Variants in CHST11 observed in about 807,000 individuals in gnomAD.
CHST11 encodes the protein C4S-1.
Under a neutral mutation model 30.4 loss-of-function variants are expected in CHST11, and 9 were observed. That is an observed-to-expected ratio of 0.30 (90% CI 0.18 to 0.52). The LOEUF (loss-of-function observed/expected upper bound fraction) is 0.52, where lower values mean the gene tolerates loss of function less well. CHST11 is among the 20% of genes least tolerant of loss of function. The pLI, the probability that CHST11 is intolerant of heterozygous loss-of-function variation, is 0.97. For missense variants in CHST11, 348 were observed against 460.6 expected, an observed-to-expected ratio of 0.76 and a Z score of 2.24; for synonymous variants, 152 against 187.8, an observed-to-expected ratio of 0.81 and a Z score of 1.56.
At chr12:104,489,911 C>T (rs2037728985) in intron 1 of CHST11, among the ~76,000 whole-genome samples, 2 of 152,228 alleles carry the variant, frequency 1.3e-5, no homozygotes, top group African/African-American at 4.8e-5. Flanking sequence ...ATGCTCTCAA[C>T]ATCATGGGAC....
chr12:104,733,895 G>A lies in CHST11; in HGVS notation c.205-23054G>A, dbSNP rs907853492. Reference sequence around the variant, plus strand: ...TTTCTTTGAAAAGCCAGCGGGGGGCGCTTTGAGCCTTCTGATGATGCCATG... The same window carrying A: ...TTTCTTTGAAAAGCCAGCGGGGGGCACTTTGAGCCTTCTGATGATGCCATG... On this transcript the variant is annotated intron_variant, in intron 2 of 2. Transcript: ENST00000303694. 5.3e-5 allele frequency among the ~76,000 whole-genome samples: 8 copies of A among 152,224 alleles called. No individual in the cohort carries two copies. In the South Asian group the frequency reaches 1.0e-3, roughly 20 times the overall value.
At chr12:104,677,819 C>T (rs2039756452) in intron 2 of CHST11, among the ~76,000 whole-genome samples, 1 of 152,260 alleles carries the variant, frequency 6.6e-6, no homozygotes, top group African/African-American at 2.4e-5. Flanking sequence ...CCCTGCTTGC[C>T]TTCCAGCCCC....
intron 2 of CHST11, among the ~76,000 whole-genome samples, chr12:104,686,109 C>G (rs1272607981): frequency 6.6e-6 from 1 of 151,764 alleles, no homozygotes; most frequent in Non-Finnish European, 1.5e-5. Context: ...GGTGCATACC[C>G]GTAGTCCTAG....
chr12:104,623,437 G>A (rs752290911), intron 2 of CHST11, among the ~76,000 whole-genome samples: 10 of 152,208 alleles, frequency 6.6e-5, no homozygotes, highest in Non-Finnish European at 1.5e-4. Flanking sequence ...TGGGCTGGAC[G>A]AAGTGGCTCA....
At chr12:104,464,002 C>T (rs2037434416) in intron 1 of CHST11, among the ~76,000 whole-genome samples, 1 of 150,418 alleles carries the variant, frequency 6.6e-6, no homozygotes, top group South Asian at 2.1e-4. Flanking sequence ...TCTCTTGGGG[C>T]AGGGAGGCAA....
intron 2 of CHST11, among the ~76,000 whole-genome samples, chr12:104,671,456 C>T (rs2039696962): frequency 6.6e-6 from 1 of 152,182 alleles, no homozygotes; most frequent in African/African-American, 2.4e-5. Flanking sequence ...GAATGCCTGT[C>T]TACTGATCAT....
chr12:104,744,535 T>C (rs2040373680), intron 2 of CHST11, among the ~76,000 whole-genome samples: 1 of 152,218 alleles, frequency 6.6e-6, no homozygotes, highest in Non-Finnish European at 1.5e-5. Flanking sequence ...AAAAATTTCC[T>C]CCCGTTCTGT....
chr12:104,709,644 G>A (rs774805405), intron 2 of CHST11, among the ~76,000 whole-genome samples: 2 of 152,130 alleles, frequency 1.3e-5, no homozygotes, highest in East Asian at 1.9e-4. Flanking sequence ...CAGCCCATGC[G>A]GTTCTTTCAT....
intron 2 of CHST11, among the ~76,000 whole-genome samples, chr12:104,610,899 T>C (rs2039054344): frequency 6.6e-6 from 1 of 152,238 alleles, no homozygotes; most frequent in African/African-American, 2.4e-5. Flanking sequence ...AATAAAATGC[T>C]TGTGGTTCAG....
intron 2 of CHST11, among the ~76,000 whole-genome samples, chr12:104,623,738 G>A (rs1206125805): frequency 6.6e-6 from 1 of 151,878 alleles, no homozygotes; most frequent in Non-Finnish European, 1.5e-5. Flanking sequence ...AAAAGTTCAT[G>A]TGCCCTTGGT....
chr12:104,600,081 C>A lies in CHST11; in HGVS notation c.119-1825C>A, dbSNP rs913430856. On this transcript the variant is annotated intron_variant, in intron 1 of 2. Transcript: ENST00000303694. The surrounding 1 kb of genome is among the most constrained non-coding windows in gnomAD (Gnocchi z 4.1). ...GCCCCTTACAGAAAATTTTGCTGAC[C>A]CCTGCCCTAGGAAGTCAAGGAAAAG... Among the ~76,000 whole-genome samples, 1 of 152,126 alleles carries A rather than the reference C, an allele frequency of 6.6e-6. No homozygotes were observed. The highest frequency in any genetic ancestry group is 2.4e-5 in the African/African-American group (1 of 41,402).
chr12:104,562,547 G>T (rs1463042394), intron 1 of CHST11, among the ~76,000 whole-genome samples: 1 of 152,240 alleles, frequency 6.6e-6, no homozygotes, highest in Non-Finnish European at 1.5e-5. Flanking sequence ...ACTTTGTCCT[G>T]TTGGCAAATT....
chr12:104,697,853 C>T (rs1287453144), intron 2 of CHST11, among the ~76,000 whole-genome samples: 1 of 152,152 alleles, frequency 6.6e-6, no homozygotes, highest in African/African-American at 2.4e-5. Context: ...TTTCCTGGGA[C>T]CATGCACAGT....
chr12:104,715,881 A>G (rs1220923066), intron 2 of CHST11, among the ~76,000 whole-genome samples: 1 of 152,126 alleles, frequency 6.6e-6, no homozygotes, highest in African/African-American at 2.4e-5. Flanking sequence ...TCGTTGAGAG[A>G]GCATCACCCT....
intron 1 of CHST11, among the ~76,000 whole-genome samples, chr12:104,538,256 G>A (rs58135543): frequency 0.038 from 5,767 of 152,190 alleles, 385 homozygotes; most frequent in African/African-American, 0.13. Flanking sequence ...TGTTTTGTAG[G>A]ACATTCCTCA....
At chr12:104,730,413 TAC>T (rs1196796541) in intron 2 of CHST11, among the ~76,000 whole-genome samples, 2 of 152,246 alleles carry the variant, frequency 1.3e-5, no homozygotes, top group Non-Finnish European at 2.9e-5. Flanking sequence ...TAGCCACTGA[TAC>T]AGGTGTTCAC....
At chr12:104,636,549 C>A (rs1645873534) in intron 2 of CHST11, among the ~76,000 whole-genome samples, 1 of 152,152 alleles carries the variant, frequency 6.6e-6, no homozygotes, top group Admixed American at 6.5e-5. Flanking sequence ...AGAAGGAACA[C>A]CCCTTTTATT....
At chr12:104,749,342 G>T (rs1255943804) in intron 2 of CHST11, among the ~76,000 whole-genome samples, 1 of 152,162 alleles carries the variant, frequency 6.6e-6, no homozygotes, top group Non-Finnish European at 1.5e-5. Flanking sequence ...TGTCCTTGCT[G>T]CTAGGAAGCC....
At chr12:104,643,351 C>A (rs576503523) in intron 2 of CHST11, among the ~76,000 whole-genome samples, 121 of 152,212 alleles carry the variant, frequency 7.9e-4, no homozygotes, top group African/African-American at 2.8e-3. Context: ...AAACAAAAAA[C>A]CGCAAACCTT....
Sources: gnomAD v4.1 joint callset for allele counts (sites outside exome capture counted in the v4.1 genomes callset) on GRCh38, gnomAD v4.1.1 for gene constraint, Gnocchi (gnomAD v3.1) non-coding constraint, MANE v1.5 for transcripts, NCBI Gene and HGNC (gene_info 2026-07-23, HGNC 2026-07-21) for gene names.